The following WDR59 variants were observed in gnomAD, a reference collection of about 807,000 sequenced individuals.
WDR59 encodes GATOR2 complex protein WDR59.
In WDR59, 100 loss-of-function variants were observed where a neutral mutation model predicts 131.2. That is an observed-to-expected ratio of 0.76 (90% CI 0.65 to 0.90). The LOEUF (loss-of-function observed/expected upper bound fraction) is 0.90, where lower values mean the gene tolerates loss of function less well. Among genes scored for constraint, WDR59 ranks in the 40% least tolerant of loss-of-function variants. The pLI is 0.00. For missense variants in WDR59, 1,203 were observed against 1,262.2 expected (o/e 0.95, Z 0.71); for synonymous variants, 601 against 466.2 (o/e 1.29, Z -3.72).
At position 74,947,632 on chromosome 16, in the gene WDR59, C is replaced by G. The variant is rs754441743; in HGVS notation, c.445+887G>C. ...AAGAGAGAGAGACTATTGGGGAAAT[C>G]TGAATGCTGCTTAGATACTTGATGA... On this transcript the variant is annotated intron_variant, in intron 6 of 25. Coordinates refer to ENST00000262144, the MANE Select transcript of WDR59 (RefSeq NM_030581.4). Among the ~76,000 whole-genome samples, 67 of 152,280 alleles carry G rather than the reference C, an allele frequency of 4.4e-4. No individual in the cohort carries two copies. The Middle Eastern group carries it at 0.02, about 46-fold the overall frequency.
At chr16:74,947,180 G>A (rs2032699850) in intron 6 of WDR59, among the ~76,000 whole-genome samples, 1 of 152,182 alleles carries the variant, frequency 6.6e-6, no homozygotes, top group South Asian at 2.1e-4. Context: ...CAGTCGCGAT[G>A]GCTCAAGCCT....
At chr16:74,911,963 TA>T in intron 14 of WDR59, 1 of 562,378 alleles carries the variant, frequency 1.8e-6, no homozygotes, top group Non-Finnish European at 3.1e-6. Flanking sequence ...GAAGGGTCCA[TA>T]ATTTTCATTA....
chr16:74,892,572 T>A lies in WDR59; in HGVS notation c.2001-7A>T, dbSNP rs1478510856. The A allele has an allele frequency of 1.2e-6, 2 of 1,611,608 alleles. No individual in the cohort carries two copies. Among genetic ancestry groups the A allele is most frequent in the South Asian group, 2.2e-5 (2 of 90,866 alleles). On this transcript the variant is annotated splice_region_variant and splice_polypyrimidine_tract_variant and intron_variant, in intron 19 of 25. Transcript: ENST00000262144. ...AATATCATTCACATTCAATCTGAAA[T>A]TTTTTAAAAAGAATTAAACATTTCT...
chr16:74,980,348 A>C (rs936942164), intron 1 of WDR59, among the ~76,000 whole-genome samples: 12 of 151,238 alleles, frequency 7.9e-5, no homozygotes, highest in African/African-American at 2.4e-4. Flanking sequence ...CCTCTGAAAA[A>C]TCTAAGTCTT....
chr16:74,914,945 G>C lies in WDR59; in HGVS notation c.1224+925C>G, dbSNP rs139862366. ...ATAGTTATGTAACAGCACATATTTG[G>C]GTAAAGGAAAAACTAATCAAGCTTT... On this transcript the variant is annotated intron_variant, in intron 13 of 25. Transcript: ENST00000262144. Among the ~76,000 whole-genome samples the C allele has an allele frequency of 6.8e-3, 1,039 of 152,222 alleles. 14 individuals carry two copies. The highest frequency in any genetic ancestry group is 0.023 in the African/African-American group (963 of 41,552).
intron 13 of WDR59, among the ~76,000 whole-genome samples, chr16:74,913,961 C>G (rs770845549): frequency 4.6e-5 from 7 of 152,234 alleles, no homozygotes; most frequent in African/African-American, 1.7e-4. Context: ...AATCCCAGCA[C>G]TTTGGGAGGC....
intron 1 of WDR59, among the ~76,000 whole-genome samples, chr16:74,976,904 G>A (rs1308592969): frequency 1.3e-5 from 2 of 152,066 alleles, no homozygotes; most frequent in East Asian, 3.9e-4. Context: ...CTACTTAAGA[G>A]GCCAAGGCAG....
At chr16:74,962,719 T>A (rs1278871929) in intron 2 of WDR59, 1 of 152,146 alleles carries the variant, frequency 6.6e-6, no homozygotes, top group Non-Finnish European at 1.5e-5. Flanking sequence ...TATAGGATCA[T>A]GTCATCTGCA....
chr16:74,944,191 C>T (rs1212549873), intron 6 of WDR59, among the ~76,000 whole-genome samples: 7 of 152,118 alleles, frequency 4.6e-5, no homozygotes, highest in Admixed American at 3.9e-4. Context: ...AGAGGCCAGG[C>T]GCAGTGGCTT....
At chr16:74,890,410 A>G (rs554982842) in intron 20 of WDR59, among the ~76,000 whole-genome samples, 1 of 152,120 alleles carries the variant, frequency 6.6e-6, no homozygotes, top group African/African-American at 2.4e-5. Flanking sequence ...CTCAGCCCCA[A>G]AAAGTGCTGG....
rs537546997 is a variant in WDR59 at position 74,909,427 on chromosome 16, T to C, written c.1642+74A>G. The C allele has an allele frequency of 1.8e-5, 26 of 1,461,806 alleles. No individual in the cohort carries two copies. In the East Asian group the frequency reaches 6.3e-4, roughly 35 times the overall value. The allele number at this position is 1,461,806 out of a possible 1,614,324, so 90.6% of individuals were successfully genotyped here. ...AAAAGCAAACATTTTCTGATGAAGA[T>C]GTTTATACAGAATCTATGACATTCT... is the stretch of plus-strand genomic sequence containing the variant. On this transcript the variant is annotated intron_variant, in intron 16 of 25. Transcript: ENST00000262144.
Position 74,952,226 on chromosome 16 carries a change from A to AGCCCAGGAGTTC in WDR59, c.241-695_241-684dup, listed in dbSNP as rs781261680. 4.6e-5 allele frequency among the ~76,000 whole-genome samples: 7 copies of AGCCCAGGAGTTC among 152,018 alleles called. No homozygotes were observed. The South Asian group carries it at 8.3e-4, about 18-fold the overall frequency. ...TCCCAGCACTTTAAGAGGCTGCTTG[A>AGCCCAGGAGTTC]GCCCAGGAGTTCAAGACCAGTCTGG... On this transcript the variant is annotated intron_variant, in intron 3 of 25. Transcript: ENST00000262144.
chr16:74,962,465 C>T (rs544868589), intron 2 of WDR59, among the ~76,000 whole-genome samples: 1 of 152,242 alleles, frequency 6.6e-6, no homozygotes, highest in Admixed American at 6.5e-5. Flanking sequence ...TTTCCTTGTA[C>T]AGTGGTTTGT....
chr16:74,945,758 C>T (rs947983324), intron 6 of WDR59, among the ~76,000 whole-genome samples: 22 of 151,940 alleles, frequency 1.4e-4, no homozygotes, highest in Non-Finnish European at 2.9e-4. Flanking sequence ...TGAGTCACTC[C>T]CGGTACAGTA....
At chr16:74,935,429 T>C (rs539433139) in intron 8 of WDR59, among the ~76,000 whole-genome samples, 2 of 152,304 alleles carry the variant, frequency 1.3e-5, no homozygotes, top group South Asian at 4.1e-4. Flanking sequence ...TTTTCTTTCT[T>C]CTTGATCTAT....
intron 1 of WDR59, among the ~76,000 whole-genome samples, chr16:74,980,613 T>C (rs1447998504): frequency 6.6e-6 from 1 of 151,910 alleles, no homozygotes; most frequent in Non-Finnish European, 1.5e-5. Context: ...CTTGGCCTCC[T>C]AAAGTGCTAG....
At chr16:74,902,555 G>T (rs1965605695) in intron 18 of WDR59, among the ~76,000 whole-genome samples, 1 of 152,044 alleles carries the variant, frequency 6.6e-6, no homozygotes. Flanking sequence ...AAAATTACGA[G>T]TCAATCTATT....
intron 3 of WDR59, among the ~76,000 whole-genome samples, chr16:74,955,054 C>A (rs138690929): frequency 6.6e-6 from 1 of 152,246 alleles, no homozygotes; most frequent in African/African-American, 2.4e-5. Flanking sequence ...GGTGGTTATA[C>A]AACATGTGAA....
intron 1 of WDR59, among the ~76,000 whole-genome samples, chr16:74,983,956 G>T (rs1038108957): frequency 2.0e-4 from 31 of 152,146 alleles, no homozygotes; most frequent in African/African-American, 7.5e-4. Flanking sequence ...CTCAAGCCTG[G>T]GTGACAGAGC....
Sources: gnomAD v4.1 joint callset for allele counts (sites outside exome capture counted in the v4.1 genomes callset) on GRCh38, gnomAD v4.1.1 for gene constraint, MANE v1.5 for transcripts, NCBI Gene and HGNC (gene_info 2026-07-23, HGNC 2026-07-21) for gene names.